Variants in TRERF1 observed in about 807,000 individuals in gnomAD.
TRERF1 encodes the protein transcriptional regulating factor 1.
TRERF1 carries 27 observed loss-of-function variants against 122.9 expected under a neutral mutation model. The observed-to-expected ratio is 0.22, with a 90% CI of 0.16 to 0.30. The LOEUF is 0.30. Ranked by LOEUF, TRERF1 falls within the 10% of genes least tolerant of loss-of-function variation. TRERF1 has a pLI of 1.00. For missense variants in TRERF1, 1,248 were observed against 1,560.3 expected (o/e 0.80, Z 3.37); for synonymous variants, 636 against 641.7 (o/e 0.99, Z 0.13).
intron 4 of TRERF1, among the ~76,000 whole-genome samples, chr6:42,285,300 T>C (rs1783001222): frequency 1.3e-5 from 2 of 152,170 alleles, no homozygotes. Flanking sequence ...TGTTGGTGTA[T>C]AAGAATGCTT....
chr6:42,256,130 T>TA (rs11376682), intron 12 of TRERF1, among the ~76,000 whole-genome samples: 51,902 of 112,454 alleles, frequency 0.46, 12,638 homozygotes, highest in African/African-American at 0.64. Flanking sequence ...GACTCCATCT[T>TA]AAAAAAAAAA....
At chr6:42,431,108 C>T (rs915204545) in intron 2 of TRERF1, among the ~76,000 whole-genome samples, 3 of 148,848 alleles carry the variant, frequency 2.0e-5, no homozygotes, top group African/African-American at 7.4e-5. Flanking sequence ...TAATCAATAA[C>T]TAAAGACAAG....
At chr6:42,401,269 C>T (rs1417508200) in intron 2 of TRERF1, among the ~76,000 whole-genome samples, 1 of 152,182 alleles carries the variant, frequency 6.6e-6, no homozygotes, top group Non-Finnish European at 1.5e-5. Context: ...ACCAGTTACC[C>T]AGAAGGACTA....
chr6:42,241,467 AT>A (rs70987584), intron 15 of TRERF1, among the ~76,000 whole-genome samples: 14,830 of 148,412 alleles, frequency 0.1, 848 homozygotes, highest in African/African-American at 0.16. Flanking sequence ...AATGAGTCCA[AT>A]TTTTTTTTTT....
chr6:42,410,205 G>A (rs1032689488), intron 2 of TRERF1, among the ~76,000 whole-genome samples: 1 of 152,156 alleles, frequency 6.6e-6, no homozygotes, highest in African/African-American at 2.4e-5. Context: ...GCTGTGGCAT[G>A]ATCAGGGCTC....
In TRERF1 at chr6:42,268,133, A is replaced by G. The variant is rs1226528491; in HGVS notation, c.1437+21T>C. 7.0e-7 allele frequency: 1 copy of G among 1,438,630 alleles called. No individual in the cohort carries two copies. The highest frequency in any genetic ancestry group is 1.4e-5 in the African/African-American group (1 of 70,384). The allele number at this position is 1,438,630 out of a possible 1,614,324, so 89.1% of individuals were successfully genotyped here. ...CCTGTAGCACACTGGGTATTGAGAG[A>G]AACTTCCAATGGGAGAATACCTGGG... On this transcript the variant is annotated intron_variant, in intron 5 of 17. Coordinates refer to ENST00000372922, the Ensembl canonical transcript of TRERF1. This position sits in a 1 kb window ranked among gnomAD's most constrained non-coding sequence, Gnocchi z 4.4.
Position 42,270,922 on chromosome 6 carries a change from G to A in TRERF1, c.-258-1074C>T, listed in dbSNP as rs537216226. ...TGAGTAGCTGGGACTACAGGTGCCCGCCGCCAAGCCCAAATTTTGTATTTT... is the reference window on the plus strand; with the variant it reads ...TGAGTAGCTGGGACTACAGGTGCCCACCGCCAAGCCCAAATTTTGTATTTT... On this transcript the variant is annotated intron_variant, in intron 4 of 17. Coordinates refer to ENST00000372922, the Ensembl canonical transcript of TRERF1. 1.8e-4 allele frequency among the ~76,000 whole-genome samples: 27 copies of A among 151,584 alleles called. No individual in the cohort carries two copies. The East Asian group carries it at 2.7e-3, about 15-fold the overall frequency.
At chr6:42,351,599 C>A (rs777463425) in intron 3 of TRERF1, among the ~76,000 whole-genome samples, 1 of 152,182 alleles carries the variant, frequency 6.6e-6, no homozygotes, top group Non-Finnish European at 1.5e-5. Flanking sequence ...CTGGCAGATT[C>A]AGCTAAATGT....
At chr6:42,258,071 G>C in intron 10 of TRERF1, 64 bp downstream of exon 10, 1 of 1,411,416 alleles carries the variant, frequency 7.1e-7, no homozygotes, top group Non-Finnish European at 9.9e-7. Context: ...GACTACAAAA[G>C]TATTAACTAT....
chr6:42,333,296 T>A (rs779681549), intron 3 of TRERF1, among the ~76,000 whole-genome samples: 1 of 152,194 alleles, frequency 6.6e-6, no homozygotes, highest in Non-Finnish European at 1.5e-5. Context: ...ATTGGAGAGC[T>A]TGGGTCAAAT....
At chr6:42,338,296 G>T (rs546308923) in intron 3 of TRERF1, among the ~76,000 whole-genome samples, 1 of 151,992 alleles carries the variant, frequency 6.6e-6, no homozygotes, top group South Asian at 2.1e-4. Context: ...TGGGGGTAGG[G>T]AAATGGGCAA....
chr6:42,438,362 C>A (rs1013468614), intron 2 of TRERF1, among the ~76,000 whole-genome samples: 2 of 151,540 alleles, frequency 1.3e-5, no homozygotes, highest in African/African-American at 4.8e-5. Flanking sequence ...GTAATCCCAG[C>A]ACTTCGGGAG....
chr6:42,448,943 C>A (rs1441563489), intron 2 of TRERF1, among the ~76,000 whole-genome samples: 1 of 152,136 alleles, frequency 6.6e-6, no homozygotes. Context: ...AAAAGAAAAT[C>A]ATAAACAAGC....
At chr6:42,314,926 T>A (rs970766652) in intron 3 of TRERF1, among the ~76,000 whole-genome samples, 11 of 151,994 alleles carry the variant, frequency 7.2e-5, no homozygotes, top group African/African-American at 2.4e-4. Flanking sequence ...AGCGAATAGG[T>A]TGGTCGCATA....
intron 13 of TRERF1, among the ~76,000 whole-genome samples, chr6:42,249,398 A>C (rs1403731701): frequency 6.6e-6 from 1 of 152,154 alleles, no homozygotes; most frequent in African/African-American, 2.4e-5. Context: ...AGCAGTGTTC[A>C]GTTCCCAGGC....
chr6:42,279,361 C>A (rs1265156600), intron 4 of TRERF1, among the ~76,000 whole-genome samples: 1 of 152,142 alleles, frequency 6.6e-6, no homozygotes, highest in East Asian at 1.9e-4. Context: ...AACAAAGGAT[C>A]CCTGGCCCTG....
At chr6:42,362,276 T>C (rs141132957) in intron 3 of TRERF1, among the ~76,000 whole-genome samples, 3 of 152,034 alleles carry the variant, frequency 2.0e-5, no homozygotes, top group Non-Finnish European at 2.9e-5. Context: ...CTGAGCCTCA[T>C]ACAGGAGGAA....
intron 3 of TRERF1, among the ~76,000 whole-genome samples, chr6:42,315,987 C>T (rs974440417): frequency 2.6e-5 from 4 of 152,150 alleles, no homozygotes; most frequent in African/African-American, 7.2e-5. Flanking sequence ...AAATAAGAGG[C>T]TGTTTTGGGA....
chr6:42,284,821 C>T (rs762033288), intron 4 of TRERF1, among the ~76,000 whole-genome samples: 18 of 152,132 alleles, frequency 1.2e-4, no homozygotes, highest in Non-Finnish European at 4.4e-5. Flanking sequence ...TGCCGTCTGA[C>T]ATTGTGTTTC....
Sources: allele counts gnomAD v4.1 joint callset (sites outside exome capture counted in the v4.1 genomes callset), GRCh38; gene constraint gnomAD v4.1.1; non-coding constraint Gnocchi (gnomAD v3.1); transcripts MANE v1.5; gene names NCBI Gene and HGNC (gene_info 2026-07-23, HGNC 2026-07-21).